The following C8orf34 variants were observed in gnomAD, a reference collection of about 807,000 sequenced individuals.
The protein encoded by C8orf34 is chromosome 8 open reading frame 34.
A neutral mutation model predicts 68.3 loss-of-function variants in C8orf34; 65 were observed. The observed-to-expected ratio is 0.95, with a 90% CI of 0.78 to 1.17. C8orf34 has a LOEUF of 1.17. Among genes scored for constraint, C8orf34 ranks in the 50% most tolerant of loss-of-function variants. The probability of loss-of-function intolerance (pLI) is 0.00; values close to 1 mark genes in which losing one functional copy is unlikely to be tolerated. For synonymous variants in C8orf34, 244 were observed against 241.2 expected (o/e 1.01, Z -0.11); for missense variants, 664 against 655.4 (o/e 1.01, Z -0.14).
intron 1 of C8orf34, among the ~76,000 whole-genome samples, chr8:68,388,030 C>G (rs1378459103): frequency 6.6e-6 from 1 of 152,054 alleles, no homozygotes; most frequent in Non-Finnish European, 1.5e-5. Flanking sequence ...TACAGTGGTT[C>G]TTGATTGCCT....
intron 7 of C8orf34, among the ~76,000 whole-genome samples, chr8:68,539,669 T>G (rs887839986): frequency 6.6e-6 from 1 of 152,028 alleles, no homozygotes; most frequent in African/African-American, 2.4e-5. Context: ...CTGGCCAACA[T>G]GGCAAAAATC....
At chr8:68,639,912 C>CAG (rs1274831349) in intron 7 of C8orf34, among the ~76,000 whole-genome samples, 2 of 152,176 alleles carry the variant, frequency 1.3e-5, no homozygotes, top group East Asian at 3.8e-4. Context: ...AAGCTGGAAG[C>CAG]AGACTCGTTA....
At chr8:68,774,349 A>ATAT (rs562858909) in intron 10 of C8orf34, among the ~76,000 whole-genome samples, 6 of 147,714 alleles carry the variant, frequency 4.1e-5, no homozygotes, top group Admixed American at 6.7e-5. Context: ...ATATATATAT[A>ATAT]AAATAAACAA....
chr8:68,434,174 C>T (rs978468669), intron 1 of C8orf34, among the ~76,000 whole-genome samples: 6 of 152,084 alleles, frequency 3.9e-5, no homozygotes, highest in Admixed American at 2.6e-4. Flanking sequence ...ATGTACAGAA[C>T]GTGCAGGTTT....
At chr8:68,641,267 T>C (rs1819001662) in intron 8 of C8orf34, among the ~76,000 whole-genome samples, 1 of 152,230 alleles carries the variant, frequency 6.6e-6, no homozygotes, top group African/African-American at 2.4e-5. Flanking sequence ...GGAGATTAGC[T>C]GCTTGGATAT....
chr8:68,656,616 G>T (rs1302783162), intron 8 of C8orf34, among the ~76,000 whole-genome samples: 4 of 152,118 alleles, frequency 2.6e-5, no homozygotes, highest in African/African-American at 9.7e-5. Flanking sequence ...TTATCAATAA[G>T]CATAAGTCCT....
intron 3 of C8orf34, among the ~76,000 whole-genome samples, chr8:68,463,587 T>A (rs574645684): frequency 1.1e-4 from 17 of 152,284 alleles, no homozygotes; most frequent in African/African-American, 4.1e-4. Flanking sequence ...AAAAAGCTTA[T>A]CCACCATGAT....
chr8:68,746,818 G>T (rs1396318961), intron 10 of C8orf34, among the ~76,000 whole-genome samples: 1 of 151,438 alleles, frequency 6.6e-6, no homozygotes, highest in Non-Finnish European at 1.5e-5. Context: ...AGGAGGAACT[G>T]GTACCATTCC....
intron 7 of C8orf34, among the ~76,000 whole-genome samples, chr8:68,561,393 T>C (rs1250685056): frequency 6.6e-6 from 1 of 152,210 alleles, no homozygotes; most frequent in Non-Finnish European, 1.5e-5. Context: ...TATATCCTTA[T>C]TCTATAAGCT....
At chr8:68,726,872 CACACGGG>C (rs1821845857) in intron 10 of C8orf34, among the ~76,000 whole-genome samples, 1 of 152,068 alleles carries the variant, frequency 6.6e-6, no homozygotes, top group African/African-American at 2.4e-5. Context: ...CCTCCCACAA[CACACGGG>C]AATTCTGGGA....
intron 7 of C8orf34, among the ~76,000 whole-genome samples, chr8:68,637,736 T>G (rs1202148650): frequency 5.3e-5 from 8 of 152,112 alleles, no homozygotes. Flanking sequence ...GGTTTTTTTG[T>G]GAGAAAGGGA....
At chr8:68,473,122 G>A (rs1048386457) in intron 4 of C8orf34, among the ~76,000 whole-genome samples, 3 of 152,132 alleles carry the variant, frequency 2.0e-5, no homozygotes, top group Non-Finnish European at 4.4e-5. Flanking sequence ...TACACCAAGG[G>A]CACTGAGGGC....
Position 68,785,417 on chromosome 8 carries a change from T to A in C8orf34, c.1456-2026T>A, listed in dbSNP as rs550960499. On this transcript the variant is annotated intron_variant, in intron 11 of 13. Transcript: ENST00000518698. Reference sequence around the variant, plus strand: ...GGCTCCCCTCATCCATTTACTTTACTGTTTGTTCATTTCCAGAGTACATAT... The same window carrying A: ...GGCTCCCCTCATCCATTTACTTTACAGTTTGTTCATTTCCAGAGTACATAT... 1.4e-4 allele frequency among the ~76,000 whole-genome samples: 7 copies of A among 48,850 alleles called. No individual in the cohort carries two copies. The East Asian group carries it at 2.1e-3, about 15-fold the overall frequency. 32.0% of individuals were successfully genotyped at this position (48,850 alleles called of 152,430 possible).
chr8:68,522,671 A>G (rs1433429140), intron 6 of C8orf34, among the ~76,000 whole-genome samples: 5 of 152,180 alleles, frequency 3.3e-5, no homozygotes, highest in Non-Finnish European at 7.3e-5. Context: ...TATTCAGAGT[A>G]ATTTTTTTTT....
chr8:68,612,336 G>A (rs1818047926), intron 7 of C8orf34, among the ~76,000 whole-genome samples: 1 of 152,068 alleles, frequency 6.6e-6, no homozygotes, highest in Admixed American at 6.6e-5. Flanking sequence ...ACTCTGAGAT[G>A]TTAAACAACT....
At chr8:68,764,092 G>A (rs6991944) in intron 10 of C8orf34, among the ~76,000 whole-genome samples, 10,794 of 152,198 alleles carry the variant, frequency 0.071, 888 homozygotes, top group East Asian at 0.46. Context: ...GCTGTTTTGG[G>A]GATATGTGGA....
intron 1 of C8orf34, among the ~76,000 whole-genome samples, chr8:68,400,347 G>A (rs765595505): frequency 6.6e-6 from 1 of 151,986 alleles, no homozygotes; most frequent in African/African-American, 2.4e-5. Flanking sequence ...TTTGTATCTG[G>A]TAGGAGATAA....
At chr8:68,715,205 C>T (rs940846360) in intron 9 of C8orf34, among the ~76,000 whole-genome samples, 1 of 151,980 alleles carries the variant, frequency 6.6e-6, no homozygotes, top group Non-Finnish European at 1.5e-5. Context: ...CCCTTCCAGA[C>T]ATTAGCTTAA....
intron 1 of C8orf34, among the ~76,000 whole-genome samples, chr8:68,341,604 C>T (rs1806073544): frequency 6.6e-6 from 1 of 152,080 alleles, no homozygotes; most frequent in South Asian, 2.1e-4. Context: ...TGGCAGATCC[C>T]TCATGGCTTG....
Sources: gnomAD v4.1 joint callset for allele counts (sites outside exome capture counted in the v4.1 genomes callset) on GRCh38, gnomAD v4.1.1 for gene constraint, MANE v1.5 for transcripts, NCBI Gene and HGNC (gene_info 2026-07-23, HGNC 2026-07-21) for gene names.